The following CUEDC2 variants were observed in gnomAD, a reference collection of about 807,000 sequenced individuals.
The protein encoded by CUEDC2 is CUE domain-containing protein 2.
In CUEDC2, 10 loss-of-function variants were observed where a neutral mutation model predicts 36.0. The observed-to-expected ratio is 0.28, with a 90% CI of 0.17 to 0.47. The LOEUF (loss-of-function observed/expected upper bound fraction) is 0.47. Among genes scored for constraint, CUEDC2 ranks in the 20% least tolerant of loss-of-function variants. The pLI is 0.99. For synonymous variants in CUEDC2, 133 were observed against 141.8 expected (o/e 0.94, Z 0.44); for missense variants, 269 against 368.1 (o/e 0.73, Z 2.20).
At position 102,423,779 on chromosome 10, in the gene CUEDC2, C is replaced by T; in HGVS notation, c.656+19G>A. On this transcript the variant is annotated intron_variant, in intron 7 of 8. Transcript: ENST00000369937. This position sits in a 1 kb window ranked among gnomAD's most constrained non-coding sequence, Gnocchi z 5.6. ...TGGGAAGACCCTCTAGGGCCCAGCC[C>T]AGCCCAGCCCAGACTCACTTCTGCA... 1 of 1,613,946 alleles carries T rather than the reference C, an allele frequency of 6.2e-7. No individual in the cohort carries two copies. The highest frequency in any genetic ancestry group is 2.2e-5 in the East Asian group (1 of 44,884).
In CUEDC2 at chr10:102,423,937, T is replaced by C; in HGVS notation, c.594+59A>G. On this transcript the variant is annotated intron_variant, in intron 6 of 8. Transcript: ENST00000369937. The surrounding 1 kb of genome is among the most constrained non-coding windows in gnomAD (Gnocchi z 5.6). ...GATGGGGATAGGTAGGGGTTGGGGC[T>C]TAACACCAAGGTGGAATGTAGCTGA... 6.2e-7 allele frequency: 1 copy of C among 1,603,002 alleles called. No homozygotes were observed. Among genetic ancestry groups the C allele is most frequent in the Non-Finnish European group, 8.5e-7 (1 of 1,174,316 alleles).
rs371185904 is a variant in CUEDC2, at chr10:102,429,666, T to C, written c.-11+2860A>G. ...GCAGAATGGCTCAGCCCAGGCATAC[T>C]AGATCCCATCATGCAGCTCCCTCAG... On this transcript the variant is annotated intron_variant, in intron 1 of 8. Transcript: ENST00000369937. Among the ~76,000 whole-genome samples the C allele has an allele frequency of 7.7e-4, 108 of 140,422 alleles. 2 individuals are homozygous for C. Among genetic ancestry groups the C allele is most frequent in the African/African-American group, 2.8e-3 (104 of 37,326 alleles). The allele number at this position is 140,422 out of a possible 152,430, so 92.1% of individuals were successfully genotyped here.
At chr10:102,426,378 G>A (rs1029854042) in intron 1 of CUEDC2, among the ~76,000 whole-genome samples, 14 of 152,020 alleles carry the variant, frequency 9.2e-5, no homozygotes, top group African/African-American at 2.4e-4. Flanking sequence ...CCAGTTCCAC[G>A]CACCTCACAC....
rs376711763 is a variant in CUEDC2, at chr10:102,425,420, C to T, written c.-10-222G>A. 8.4e-4 allele frequency among the ~76,000 whole-genome samples: 122 copies of T among 145,066 alleles called. 3 individuals carry two copies. In the Middle Eastern group the frequency reaches 0.028, roughly 34 times the overall value. ...GTCTGGAGACAGCCTCTAGAGGAGG[C>T]GCCCCCCCACCTCTCCCCACCCCCC... is the stretch of plus-strand genomic sequence containing the variant. On this transcript the variant is annotated intron_variant, in intron 1 of 8. Transcript: ENST00000369937.
chr10:102,431,156 T>A (rs2061615412), intron 1 of CUEDC2, among the ~76,000 whole-genome samples: 1 of 152,270 alleles, frequency 6.6e-6, no homozygotes, highest in South Asian at 2.1e-4. Flanking sequence ...TTATGTATTT[T>A]TGAGACGGAG....
At chr10:102,429,367 C>G (rs867431817) in intron 1 of CUEDC2, among the ~76,000 whole-genome samples, 2 of 151,928 alleles carry the variant, frequency 1.3e-5, no homozygotes, top group Non-Finnish European at 2.9e-5. Context: ...ATGACTTGCC[C>G]AGAGTCACCT....
intron 1 of CUEDC2, among the ~76,000 whole-genome samples, chr10:102,431,691 C>T (rs970779176): frequency 1.3e-5 from 2 of 152,210 alleles, no homozygotes; most frequent in African/African-American, 2.4e-5. Flanking sequence ...ACACCACTCT[C>T]CCAGCCCAGA....
intron 1 of CUEDC2, among the ~76,000 whole-genome samples, chr10:102,428,102 G>T (rs2061604459): frequency 2.0e-5 from 3 of 152,056 alleles, no homozygotes; most frequent in African/African-American, 7.2e-5. Context: ...CACCACACCT[G>T]GCTAATTTTT....
intron 1 of CUEDC2, among the ~76,000 whole-genome samples, chr10:102,425,857 C>T (rs903277309): frequency 4.6e-5 from 7 of 152,218 alleles, no homozygotes; most frequent in South Asian, 2.1e-4. Context: ...CCAGTCCCTC[C>T]TCCCTAGCTT....
At chr10:102,429,885 A>G (rs971161724) in intron 1 of CUEDC2, among the ~76,000 whole-genome samples, 3 of 147,762 alleles carry the variant, frequency 2.0e-5, no homozygotes, top group African/African-American at 7.5e-5. Context: ...AATGGTGTGA[A>G]CCTGACAGGG....
At chr10:102,425,355 C>T (rs1565237000) in intron 1 of CUEDC2, among the ~76,000 whole-genome samples, 157 bp from the exon 2 acceptor site, 1 of 151,618 alleles carries the variant, frequency 6.6e-6, no homozygotes. Flanking sequence ...CTCCTCCGCC[C>T]ATCTCACCTC....
chr10:102,423,684 C>T lies in CUEDC2; in HGVS notation c.690G>A (p.Lys230=), dbSNP rs200745080. The T allele has an allele frequency of 7.4e-6, 12 of 1,614,218 alleles. No individual in the cohort carries two copies. The Admixed American group carries it at 1.5e-4, about 20-fold the overall frequency. The change falls in exon 8 of 9, where the codon AAG becomes AAA. Residue 230 remains lysine (K), a synonymous_variant. Transcript: ENST00000369937. This position sits in a 1 kb window ranked among gnomAD's most constrained non-coding sequence, Gnocchi z 5.6. ...YMMVDSAEDQ[K]IHRPMAPKEA... Reference sequence around the variant, plus strand: ...CCTTGGGAGCCATGGGCCGGTGAATCTTCTGATCCTCTGCGCTATCCACCA... The same window carrying T: ...CCTTGGGAGCCATGGGCCGGTGAATTTTCTGATCCTCTGCGCTATCCACCA...
At chr10:102,430,661 T>C (rs2061613870) in intron 1 of CUEDC2, among the ~76,000 whole-genome samples, 1 of 152,150 alleles carries the variant, frequency 6.6e-6, no homozygotes, top group South Asian at 2.1e-4. Flanking sequence ...CTGTTTTTGG[T>C]CTACCCAAAC....
Position 102,424,981 on chromosome 10 carries a change from A to G in CUEDC2, c.74+134T>C, listed in dbSNP as rs1432711394. The stretch of plus-strand genomic sequence containing the variant: ...TCTGCCCAACAAAGGTGACAGGGAC[A>G]GGATGAGAGGTAAGGCCTCTCAGCA... On this transcript the variant is annotated intron_variant, in intron 2 of 8. Coordinates refer to ENST00000369937, the MANE Select transcript of CUEDC2 (RefSeq NM_024040.3). This position sits in a 1 kb window ranked among gnomAD's most constrained non-coding sequence, Gnocchi z 4.2. 4 of 941,158 alleles carry G rather than the reference A, an allele frequency of 4.3e-6. No homozygotes were observed. In the Admixed American group the frequency reaches 6.4e-5, roughly 15 times the overall value. The allele number at this position is 941,158 out of a possible 1,614,324, so 58.3% of individuals were successfully genotyped here.
At chr10:102,431,265 G>A (rs925525204) in intron 1 of CUEDC2, among the ~76,000 whole-genome samples, 31 of 152,132 alleles carry the variant, frequency 2.0e-4, no homozygotes, top group African/African-American at 7.0e-4. Flanking sequence ...TCAGCCTCCT[G>A]AGTAGCTGGG....
At chr10:102,425,329 A>G (rs2061592082) in intron 1 of CUEDC2, 131 bp from the exon 2 acceptor site, 1 of 662,312 alleles carries the variant, frequency 1.5e-6, no homozygotes, top group Non-Finnish European at 2.7e-6. Context: ...TGTTCCCCCA[A>G]GTAGAACCAT....
intron 1 of CUEDC2, among the ~76,000 whole-genome samples, chr10:102,425,794 C>T (rs754098486): frequency 2.0e-5 from 3 of 152,074 alleles, no homozygotes; most frequent in Admixed American, 6.5e-5. Flanking sequence ...CATCCTCCTC[C>T]CCAAGGCCTG....
In CUEDC2 at chr10:102,424,631, G is replaced by C; in HGVS notation, c.218+18C>G. On this transcript the variant is annotated intron_variant, in intron 3 of 8. Transcript: ENST00000369937. The surrounding 1 kb of genome is among the most constrained non-coding windows in gnomAD (Gnocchi z 4.2). ...ATCAGCCAGCCCCTTCCTCCTCCTG[G>C]CCCTAGCCAGAACCTACCTGGGGAT... The C allele has an allele frequency of 6.2e-7, 1 of 1,614,172 alleles. No individual in the cohort carries two copies. Among genetic ancestry groups the C allele is most frequent in the South Asian group, 1.1e-5 (1 of 91,080 alleles).
chr10:102,424,644 C>T lies in CUEDC2; in HGVS notation c.218+5G>A. 1 of 1,614,210 alleles carries T rather than the reference C, an allele frequency of 6.2e-7. No individual in the cohort carries two copies. The highest frequency in any genetic ancestry group is 8.5e-7 in the Non-Finnish European group (1 of 1,180,018). ...TTCCTCCTCCTGGCCCTAGCCAGAA[C>T]CTACCTGGGGATGTGGGCGAAGCCA... On this transcript the variant is annotated splice_donor_5th_base_variant and intron_variant, in intron 3 of 8. Coordinates refer to ENST00000369937, the MANE Select transcript of CUEDC2 (RefSeq NM_024040.3). This position sits in a 1 kb window ranked among gnomAD's most constrained non-coding sequence, Gnocchi z 4.2.
Sources: allele counts gnomAD v4.1 joint callset (sites outside exome capture counted in the v4.1 genomes callset), GRCh38; gene constraint gnomAD v4.1.1; non-coding constraint Gnocchi (gnomAD v3.1); transcripts MANE v1.5; gene names NCBI Gene and HGNC (gene_info 2026-07-23, HGNC 2026-07-21).